The following PTPRM variants were observed in gnomAD, a reference collection of about 807,000 sequenced individuals.
The protein encoded by PTPRM is protein tyrosine phosphatase receptor type M.
PTPRM carries 47 observed loss-of-function variants against 186.7 expected under a neutral mutation model. The ratio of observed to expected loss-of-function variants is 0.25; its 90% CI spans 0.20 to 0.32. The LOEUF (loss-of-function observed/expected upper bound fraction) is 0.32, where lower values mean the gene tolerates loss of function less well. PTPRM is among the 10% of genes least tolerant of loss of function. PTPRM has a pLI of 1.00. For missense variants in PTPRM, 1,494 were observed against 1,865.0 expected (o/e 0.80, Z 3.66); for synonymous variants, 668 against 674.9 (o/e 0.99, Z 0.16).
chr18:8,072,679 T>G (rs1223615796), intron 8 of PTPRM, among the ~76,000 whole-genome samples: 1 of 152,112 alleles, frequency 6.6e-6, no homozygotes, highest in Non-Finnish European at 1.5e-5. Context: ...AGTATAATAC[T>G]TTTATTGAAA....
chr18:7,871,409 G>C (rs569980947), intron 2 of PTPRM, among the ~76,000 whole-genome samples: 1 of 152,218 alleles, frequency 6.6e-6, no homozygotes, highest in East Asian at 1.9e-4. Context: ...GTGCCATTCT[G>C]TCACTTTGGC....
In PTPRM at chr18:7,888,303, A is replaced by T. The variant is rs778677802; in HGVS notation, c.394A>T (p.Ile132Leu). The change falls in exon 3 of 33, where the codon ATA (isoleucine) becomes TTA (leucine). Residue 132 changes from isoleucine (I) to leucine (L), a missense_variant. Around this residue, in one of 3 missense-constraint regions of PTPRM, gnomAD observed 296 missense variants for 345.5 expected, o/e 0.86. Transcript: ENST00000580170. The part of the protein sequence containing the change: ...NGPLGNPIWN[I>L]SGDPTRTWNR... Reference sequence around the variant, plus strand: ...GCCACTGGGGAATCCTATCTGGAATATATCTGGAGACCCAACACGTACATG... The same window carrying T: ...GCCACTGGGGAATCCTATCTGGAATTTATCTGGAGACCCAACACGTACATG... The T allele has an allele frequency of 6.2e-7, 1 of 1,614,058 alleles. No individual in the cohort carries two copies.
In PTPRM at chr18:8,270,301, A is replaced by G. The variant is rs904714405; in HGVS notation, c.2754+16887A>G. On this transcript the variant is annotated intron_variant, in intron 19 of 32. Transcript: ENST00000580170. ...TACATTTTTCCAAGGAAGATATACA[A>G]ATGGTCAATAGGTATAATAAAAGGT... is the stretch of plus-strand genomic sequence containing the variant. 5 of 152,090 alleles carry G rather than the reference A, an allele frequency of 3.3e-5. No homozygotes were observed. In the South Asian group the frequency reaches 8.3e-4, roughly 25 times the overall value. 9.4% of individuals were successfully genotyped at this position (152,090 alleles called of 1,614,324 possible).
intron 19 of PTPRM, among the ~76,000 whole-genome samples, chr18:8,280,404 CGG>C (rs749438208): frequency 2.7e-5 from 1 of 36,530 alleles, no homozygotes; most frequent in East Asian, 3.8e-4. Flanking sequence ...AATTTGTGGT[CGG>C]GGGTGGGGGG....
At chr18:8,161,810 C>T (rs1264583094) in intron 14 of PTPRM, among the ~76,000 whole-genome samples, 2 of 152,116 alleles carry the variant, frequency 1.3e-5, no homozygotes, top group African/African-American at 4.8e-5. Flanking sequence ...ATGCAAATGG[C>T]ACCACTGGCC....
At chr18:7,868,925 T>A (rs548229944) in intron 2 of PTPRM, among the ~76,000 whole-genome samples, 1 of 152,324 alleles carries the variant, frequency 6.6e-6, no homozygotes, top group Non-Finnish European at 1.5e-5. Flanking sequence ...AGAGGCAGTC[T>A]GGCTACAGCA....
chr18:7,840,046 T>C (rs2046243940), intron 2 of PTPRM, among the ~76,000 whole-genome samples: 2 of 127,326 alleles, frequency 1.6e-5, no homozygotes, highest in Non-Finnish European at 3.2e-5. Flanking sequence ...ACCATGTTGC[T>C]GATATGTGTG....
At chr18:7,635,680 A>C (rs1308179067) in intron 1 of PTPRM, among the ~76,000 whole-genome samples, 4 of 152,226 alleles carry the variant, frequency 2.6e-5, no homozygotes, top group African/African-American at 9.6e-5. Context: ...AAGTTTGCTC[A>C]TATTGAGCCC....
At position 8,406,195 on chromosome 18, in the gene PTPRM, A is replaced by G. The variant is rs1156784745; in HGVS notation, c.*33A>G. 4 of 1,597,954 alleles carry G rather than the reference A, an allele frequency of 2.5e-6. No homozygotes were observed. The highest frequency in any genetic ancestry group is 1.3e-5 in the African/African-American group (1 of 74,454). On this transcript the variant is annotated 3_prime_UTR_variant, in exon 33 of 33. Coordinates refer to ENST00000580170, the MANE Select transcript of PTPRM (RefSeq NM_001105244.2). ...AACAGCTCTGCAAACAATCCCTTTCATACCACAAAGCCAAGACGTTCCATG... is the reference window on the plus strand; with the variant it reads ...AACAGCTCTGCAAACAATCCCTTTCGTACCACAAAGCCAAGACGTTCCATG...
intron 7 of PTPRM, among the ~76,000 whole-genome samples, chr18:8,000,114 G>A (rs1291325540): frequency 6.6e-6 from 1 of 152,158 alleles, no homozygotes; most frequent in Non-Finnish European, 1.5e-5. Flanking sequence ...CATTAGGGAG[G>A]GCAATCTGCT....
At chr18:8,196,103 A>G (rs891548952) in intron 14 of PTPRM, among the ~76,000 whole-genome samples, 2 of 152,220 alleles carry the variant, frequency 1.3e-5, no homozygotes, top group African/African-American at 2.4e-5. Context: ...CTTCTATCCA[A>G]TGAGCCATCC....
chr18:8,036,838 T>C (rs1486770963), intron 7 of PTPRM, among the ~76,000 whole-genome samples: 1 of 152,210 alleles, frequency 6.6e-6, no homozygotes, highest in African/African-American at 2.4e-5. Flanking sequence ...TGTGTTGTTG[T>C]GGCTCAAAGA....
intron 7 of PTPRM, among the ~76,000 whole-genome samples, chr18:7,984,752 T>C (rs1414810720): frequency 7.2e-6 from 1 of 139,490 alleles, no homozygotes; most frequent in Non-Finnish European, 1.5e-5. Flanking sequence ...TAAAATTATA[T>C]ACACATATAT....
intron 7 of PTPRM, among the ~76,000 whole-genome samples, chr18:7,976,115 G>A (rs1176784648): frequency 6.6e-6 from 1 of 152,166 alleles, no homozygotes; most frequent in African/African-American, 2.4e-5. Context: ...ATTGCAGTGA[G>A]CCAAGATCGC....
At chr18:8,403,828 G>A (rs1426334548) in intron 32 of PTPRM, 1 of 152,152 alleles carries the variant, frequency 6.6e-6, no homozygotes, top group Non-Finnish European at 1.5e-5. Flanking sequence ...GTGCCCTTTT[G>A]AATCTGATTT....
At position 7,568,132 on chromosome 18, in the gene PTPRM, G is replaced by C. The variant is rs1014011342; in HGVS notation, c.73+241G>C. On this transcript the variant is annotated intron_variant, in intron 1 of 32. Transcript: ENST00000580170. This position sits in a 1 kb window ranked among gnomAD's most constrained non-coding sequence, Gnocchi z 5.1. ...ACCCCGAGGGCGAGCTCCCCAGCCG[G>C]GACTGCCAGCTCGGCCGCCGTCCTT... 3.1e-4 allele frequency among the ~76,000 whole-genome samples: 47 copies of C among 152,020 alleles called. No individual in the cohort carries two copies. The highest frequency in any genetic ancestry group is 5.3e-4 in the Non-Finnish European group (36 of 67,928).
At chr18:8,089,259 T>C (rs1034603372) in intron 11 of PTPRM, among the ~76,000 whole-genome samples, 2 of 152,186 alleles carry the variant, frequency 1.3e-5, no homozygotes, top group Non-Finnish European at 1.5e-5. Flanking sequence ...TGTCATTTAT[T>C]TTTTAGTAAA....
At chr18:7,775,952 T>G (rs2042561131) in intron 2 of PTPRM, among the ~76,000 whole-genome samples, 1 of 152,188 alleles carries the variant, frequency 6.6e-6, no homozygotes, top group Admixed American at 6.5e-5. Context: ...AACTTTAAAA[T>G]ATTAAAATCA....
At chr18:8,052,035 A>G (rs1671001410) in intron 7 of PTPRM, among the ~76,000 whole-genome samples, 2 of 152,200 alleles carry the variant, frequency 1.3e-5, no homozygotes, top group African/African-American at 2.4e-5. Flanking sequence ...TCCAAGACAG[A>G]ACTTCTCCAA....
Sources: allele counts gnomAD v4.1 joint callset (sites outside exome capture counted in the v4.1 genomes callset), GRCh38; gene constraint gnomAD v4.1.1; regional missense constraint gnomAD v4.1.1; non-coding constraint Gnocchi (gnomAD v3.1); transcripts MANE v1.5; gene names NCBI Gene and HGNC (gene_info 2026-07-23, HGNC 2026-07-21).